Variants in BAZ1A observed in about 807,000 individuals in gnomAD.
BAZ1A encodes the protein bromodomain adjacent to zinc finger domain 1A.
In BAZ1A, 50 loss-of-function variants were observed where a neutral mutation model predicts 185.2. The ratio of observed to expected loss-of-function variants is 0.27; its 90% confidence interval spans 0.22 to 0.34. BAZ1A has a LOEUF of 0.34. Ranked by LOEUF, BAZ1A falls within the 10% of genes least tolerant of loss-of-function variation. The pLI, the probability that BAZ1A is intolerant of heterozygous loss-of-function variation, is 1.00. For missense variants in BAZ1A, 1,356 were observed against 1,839.9 expected (o/e 0.74, Z 4.81); for synonymous variants, 571 against 615.6 (o/e 0.93, Z 1.07).
chr14:34,845,520 C>G (rs574798399), intron 3 of BAZ1A, among the ~76,000 whole-genome samples: 1 of 152,150 alleles, frequency 6.6e-6, no homozygotes, highest in East Asian at 1.9e-4. Context: ...TTTACCTTGT[C>G]CTCAAAATTA....
chr14:34,773,137 C>G (rs539743320), intron 20 of BAZ1A, among the ~76,000 whole-genome samples: 2 of 152,222 alleles, frequency 1.3e-5, no homozygotes, highest in Admixed American at 6.5e-5. Context: ...CTCCAACTCC[C>G]GGCCTCAAGT....
At chr14:34,806,065 ATTTCT>A (rs1211734296) in intron 6 of BAZ1A, among the ~76,000 whole-genome samples, 1 of 151,294 alleles carries the variant, frequency 6.6e-6, no homozygotes, top group Non-Finnish European at 1.5e-5. Context: ...AATTTGTTTC[ATTTCT>A]TTTGAGTTAG....
At chr14:34,827,594 G>A (rs2042182319) in intron 3 of BAZ1A, among the ~76,000 whole-genome samples, 1 of 152,008 alleles carries the variant, frequency 6.6e-6, no homozygotes, top group African/African-American at 2.4e-5. Context: ...AATTAGCCAG[G>A]CGTGGTGGCG....
chr14:34,841,253 T>C (rs1184769642), intron 3 of BAZ1A, among the ~76,000 whole-genome samples: 2 of 152,222 alleles, frequency 1.3e-5, no homozygotes, highest in Non-Finnish European at 2.9e-5. Context: ...GAGAGAAAAC[T>C]AAAATGTAAA....
intron 5 of BAZ1A, among the ~76,000 whole-genome samples, chr14:34,808,133 T>C (rs1345076691): frequency 6.6e-6 from 1 of 151,800 alleles, no homozygotes; most frequent in Non-Finnish European, 1.5e-5. Flanking sequence ...AAATATGCTA[T>C]AGAGAGTAAA....
At chr14:34,871,284 T>A (rs751284719) in intron 2 of BAZ1A, among the ~76,000 whole-genome samples, 2 of 152,204 alleles carry the variant, frequency 1.3e-5, no homozygotes, top group Non-Finnish European at 2.9e-5. Context: ...TCTCAAACTC[T>A]TGGCCTCAAG....
chr14:34,861,519 C>T (rs540981920), intron 3 of BAZ1A, among the ~76,000 whole-genome samples: 1 of 152,220 alleles, frequency 6.6e-6, no homozygotes, highest in African/African-American at 2.4e-5. Context: ...AAAACTCAAT[C>T]CTGGTTTTGT....
intron 3 of BAZ1A, among the ~76,000 whole-genome samples, chr14:34,828,994 T>C (rs999700468): frequency 2.6e-5 from 4 of 152,070 alleles, no homozygotes; most frequent in Admixed American, 2.6e-4. Flanking sequence ...TAAAGACCAT[T>C]TGCACGCCTG....
chr14:34,807,202 A>T (rs1390484746), intron 6 of BAZ1A, among the ~76,000 whole-genome samples: 1 of 150,742 alleles, frequency 6.6e-6, no homozygotes, highest in Non-Finnish European at 1.5e-5. Context: ...TCTTTTTCCA[A>T]ATTTTCTATT....
At chr14:34,796,165 T>TACACACAC (rs61285890) in intron 9 of BAZ1A, among the ~76,000 whole-genome samples, 2,073 of 146,568 alleles carry the variant, frequency 0.014, 30 homozygotes, top group African/African-American at 0.025. Flanking sequence ...TACATATACA[T>TACACACAC]ACACACACAC....
chr14:34,861,908 G>A (rs1156999744), intron 3 of BAZ1A, 136 bp downstream of exon 3: 6 of 972,830 alleles, frequency 6.2e-6, no homozygotes, highest in East Asian at 5.0e-5. Context: ...AGCTAACACC[G>A]GGGCTATCTG....
intron 6 of BAZ1A, among the ~76,000 whole-genome samples, chr14:34,806,296 G>A (rs1881853018): frequency 6.6e-6 from 1 of 152,058 alleles, no homozygotes; most frequent in Non-Finnish European, 1.5e-5. Context: ...CCATGCTACT[G>A]CCTTTTTAAA....
At position 34,769,319 on chromosome 14, in the gene BAZ1A, ATT is replaced by A. The variant is rs201603305; in HGVS notation, c.3301+2190_3301+2191del. Among the ~76,000 whole-genome samples the A allele has an allele frequency of 1.5e-3, 235 of 152,278 alleles. 1 individual carries two copies. Among genetic ancestry groups the A allele is most frequent in the East Asian group, 6.7e-3 (35 of 5,188 alleles). ...TGGAGCAGCAACAGTAGACACCCATATTATAAATGACCAACATTTGACTTCAA... is the reference window on the plus strand; with the variant it reads ...TGGAGCAGCAACAGTAGACACCCATAATAAATGACCAACATTTGACTTCAA... On this transcript the variant is annotated intron_variant, in intron 21 of 26. Coordinates refer to ENST00000360310, the MANE Select transcript of BAZ1A (RefSeq NM_013448.3).
chr14:34,792,678 TA>T, intron 12 of BAZ1A, 96 bp downstream of exon 12: 1 of 1,344,468 alleles, frequency 7.4e-7, no homozygotes, highest in Non-Finnish European at 1.0e-6. Flanking sequence ...CTATATTTTA[TA>T]AGCATAAAAG....
chr14:34,798,687 C>T (rs10147386), intron 9 of BAZ1A, among the ~76,000 whole-genome samples: 1 of 152,126 alleles, frequency 6.6e-6, no homozygotes, highest in Admixed American at 6.5e-5. Flanking sequence ...TAATGAGATA[C>T]CATCTCACAG....
rs1186509589 is a variant in BAZ1A, at chr14:34,764,881, G to C, written c.3602C>G (p.Ser1201Cys). The change falls in exon 23 of 27, where the codon TCT (serine) becomes TGT (cysteine). Residue 1201 changes from serine to cysteine, a missense_variant. Physicochemically the swap from Ser to Cys is moderately radical, Grantham distance 112. This residue lies in a region of BAZ1A where 309 missense variants were observed against 355.3 expected (regional missense o/e 0.87). Transcript: ENST00000360310. Reference sequence around the variant, plus strand: ...TCTCTGTCTAGAGGAGAGTCTTCTAGAACGTTGCTTTGGTCGACATTCTGG... The same window carrying C: ...TCTCTGTCTAGAGGAGAGTCTTCTACAACGTTGCTTTGGTCGACATTCTGG... ...FCPECRPKQR[S>C]RRLSSRQRPS... The C allele has an allele frequency of 1.9e-6, 3 of 1,613,962 alleles. No individual in the cohort carries two copies. In the African/African-American group the frequency reaches 4.0e-5, roughly 22 times the overall value.
At chr14:34,846,722 A>G (rs763091268) in intron 3 of BAZ1A, among the ~76,000 whole-genome samples, 31 of 152,134 alleles carry the variant, frequency 2.0e-4, no homozygotes, top group Admixed American at 6.5e-5. Flanking sequence ...TCAACTTGCA[A>G]TGACAATCCA....
Position 34,783,748 on chromosome 14 carries a change from C to A in BAZ1A, c.1997+14G>T. On this transcript the variant is annotated intron_variant, in intron 15 of 26. Transcript: ENST00000360310. ...ACAGCTTTCATTAACACAACTATTA[C>A]AATTATCTCTTACCTGGCAGCTGCT... is the stretch of plus-strand genomic sequence containing the variant. The A allele has an allele frequency of 6.3e-7, 1 of 1,598,696 alleles. No individual in the cohort carries two copies. Among genetic ancestry groups the A allele is most frequent in the Non-Finnish European group, 8.5e-7 (1 of 1,174,988 alleles).
At chr14:34,803,521 CAA>C (rs1176967198) in intron 6 of BAZ1A, among the ~76,000 whole-genome samples, 1 of 151,920 alleles carries the variant, frequency 6.6e-6, no homozygotes, top group Non-Finnish European at 1.5e-5. Context: ...AACCACAATT[CAA>C]AGATTACAAT....
Sources: gnomAD v4.1 joint callset for allele counts (sites outside exome capture counted in the v4.1 genomes callset) on GRCh38, gnomAD v4.1.1 for gene constraint, gnomAD v4.1.1 regional missense constraint, MANE v1.5 for transcripts, NCBI Gene and HGNC (gene_info 2026-07-23, HGNC 2026-07-21) for gene names.